Variants in CCDC197 observed in about 807,000 individuals in gnomAD.
CCDC197 encodes the protein uncharacterized protein CCDC197.
Under a neutral mutation model 13.4 loss-of-function variants are expected in CCDC197, and 24 were observed. The ratio of observed to expected loss-of-function variants is 1.80; its 90% CI spans 1.30 to 2.53. The LOEUF (loss-of-function observed/expected upper bound fraction) is 2.53. CCDC197 is among the 30% of genes most tolerant of loss of function. CCDC197 has a pLI of 0.00. For synonymous variants in CCDC197, 99 were observed against 55.5 expected (o/e 1.78, Z -3.48); for missense variants, 255 against 148.8 (o/e 1.71, Z -3.71).
rs1351100786 is a variant in CCDC197 at position 94,001,285 on chromosome 14, C to CTGG, written c.329_331dup (p.Leu110_Glu111insVal). 1.3e-6 allele frequency: 1 copy of CTGG among 780,134 alleles called. No homozygotes were observed. The highest frequency in any genetic ancestry group is 2.4e-6 in the Non-Finnish European group (1 of 417,766). The allele number at this position is 780,134 out of a possible 1,614,324, so 48.3% of individuals were successfully genotyped here. A position where few individuals can be genotyped will look rare whatever the true frequency, so the allele number is the denominator to read the frequency against. ...GATGATCCAGGCTGTCCACCGGAGC[C>CTGG]TGGAGTCTCTGGAGGAGGACCACAG... On this transcript the variant is annotated inframe_insertion, in exon 4 of 7. Coordinates refer to ENST00000636493, the MANE Select transcript of CCDC197 (RefSeq NM_001351596.2).
chr14:93,997,756 G>T (rs150611172), intron 1 of CCDC197, among the ~76,000 whole-genome samples, 185 bp downstream of exon 1: 1 of 152,304 alleles, frequency 6.6e-6, no homozygotes, highest in East Asian at 1.9e-4. Flanking sequence ...CTTGTTGAAA[G>T]TTCCCAGGCA....
chr14:94,004,659 G>C (rs1890629643), intron 5 of CCDC197, among the ~76,000 whole-genome samples, 196 bp from the exon 6 acceptor site: 2 of 152,184 alleles, frequency 1.3e-5, no homozygotes, highest in South Asian at 4.1e-4. Flanking sequence ...TCTTTGCAGA[G>C]GAGGCTGCTC....
At chr14:93,998,460 C>T (rs923488167) in intron 2 of CCDC197, among the ~76,000 whole-genome samples, 4 of 152,132 alleles carry the variant, frequency 2.6e-5, no homozygotes, top group Non-Finnish European at 5.9e-5. Flanking sequence ...TGGGCCAGTC[C>T]CGGGCCCTCT....
At chr14:94,000,044 T>C (rs995750287) in intron 3 of CCDC197, among the ~76,000 whole-genome samples, 26 of 152,212 alleles carry the variant, frequency 1.7e-4, no homozygotes, top group African/African-American at 5.8e-4. Context: ...TGTTTGTCTT[T>C]GGTTTTGTGT....
At chr14:94,011,409 G>A (rs1367750800), downstream of CCDC197, among the ~76,000 whole-genome samples, 2 of 152,218 alleles carry the variant, frequency 1.3e-5, no homozygotes, top group Non-Finnish European at 2.9e-5. Flanking sequence ...GCCACCAGTC[G>A]ACATTTGCAG....
chr14:94,003,195 C>A lies in CCDC197; in HGVS notation c.367-28C>A. 1.3e-6 allele frequency: 1 copy of A among 775,574 alleles called. No homozygotes were observed. Among genetic ancestry groups the A allele is most frequent in the Admixed American group, 1.7e-5 (1 of 58,730 alleles). 48.0% of individuals were successfully genotyped at this position (775,574 alleles called of 1,614,324 possible). ...CATATGCCCTGGAGGGTTTGTTGTA[C>A]CAAGATGGCCCATTCCCTCTGCCCC... On this transcript the variant is annotated intron_variant, in intron 4 of 6. Transcript: ENST00000636493. This position sits in a 1 kb window ranked among gnomAD's most constrained non-coding sequence, Gnocchi z 5.0.
At chr14:94,007,316 G>A (rs544330323) in intron 6 of CCDC197, 3 of 152,232 alleles carry the variant, frequency 2.0e-5, no homozygotes, top group Admixed American at 6.5e-5. Context: ...TAAGGTAGGG[G>A]TCCAATTTCA....
chr14:93,996,409 C>T (rs1567041237), upstream of CCDC197, among the ~76,000 whole-genome samples: 2 of 148,656 alleles, frequency 1.3e-5, no homozygotes, highest in East Asian at 3.9e-4. Flanking sequence ...TGCCCCTGCC[C>T]CTGAGCCCAG....
In CCDC197 at chr14:94,003,475, A is replaced by G. The variant is rs1302350539; in HGVS notation, c.498+121A>G. 12 of 630,212 alleles carry G rather than the reference A, an allele frequency of 1.9e-5. No homozygotes were observed. The highest frequency in any genetic ancestry group is 3.2e-5 in the Non-Finnish European group (11 of 346,276). 39.0% of individuals were successfully genotyped at this position (630,212 alleles called of 1,614,324 possible). On this transcript the variant is annotated intron_variant, in intron 5 of 6. Coordinates refer to ENST00000636493, the MANE Select transcript of CCDC197 (RefSeq NM_001351596.2). The surrounding 1 kb of genome is among the most constrained non-coding windows in gnomAD (Gnocchi z 5.0). ...CACGCAGACACACACACACAGAGCC[A>G]GACACATAGACACACAGGCACACAC...
At chr14:94,006,399 C>T (rs1404074069) in intron 6 of CCDC197, among the ~76,000 whole-genome samples, 1 of 151,112 alleles carries the variant, frequency 6.6e-6, no homozygotes, top group Admixed American at 6.6e-5. Flanking sequence ...CTTGCCCAGG[C>T]TGGAGTGCAA....
chr14:94,004,847 T>C lies in CCDC197; in HGVS notation c.499-8T>C. 1.4e-6 allele frequency: 1 copy of C among 702,846 alleles called. No homozygotes were observed. Among genetic ancestry groups the C allele is most frequent in the Non-Finnish European group, 2.6e-6 (1 of 384,874 alleles). The allele number at this position is 702,846 out of a possible 1,614,324, so 43.5% of individuals were successfully genotyped here. A position where few individuals can be genotyped will look rare whatever the true frequency, so the allele number is the denominator to read the frequency against. ...TGAGCCACCACCTCCTCCTTCTCTT[T>C]CCTGCAGGATCAGCTGCTCGGCTAC... On this transcript the variant is annotated splice_polypyrimidine_tract_variant and splice_region_variant and intron_variant, in intron 5 of 6. Transcript: ENST00000636493.
chr14:93,987,593 C>A (rs532542562), intron 1 of CCDC197, among the ~76,000 whole-genome samples: 2 of 152,136 alleles, frequency 1.3e-5, no homozygotes, highest in African/African-American at 4.8e-5. Context: ...GAGTGGCTGG[C>A]GTGGGGTTGG....
chr14:94,009,523 G>C (rs559497059), downstream of CCDC197, among the ~76,000 whole-genome samples: 1 of 152,302 alleles, frequency 6.6e-6, no homozygotes, highest in South Asian at 2.1e-4. Flanking sequence ...GAGCCCAGGA[G>C]TTCAAGACCA....
At chr14:94,008,962 G>A (rs918778567), downstream of CCDC197, 13 of 571,840 alleles carry the variant, frequency 2.3e-5, no homozygotes, top group Middle Eastern at 4.5e-4. Context: ...AGGGTTGGGG[G>A]TGCTGCTCCC....
intron 1 of CCDC197, among the ~76,000 whole-genome samples, chr14:93,988,052 G>A (rs1890131431): frequency 8.3e-6 from 1 of 120,500 alleles, no homozygotes; most frequent in South Asian, 3.1e-4. Context: ...AGAGGGGTGG[G>A]GCCGGAGAGG....
intron 5 of CCDC197, among the ~76,000 whole-genome samples, chr14:94,004,327 G>A (rs1176335011): frequency 6.6e-6 from 1 of 152,230 alleles, no homozygotes; most frequent in African/African-American, 2.4e-5. Flanking sequence ...ACAGGATGAG[G>A]TCATGGAGTG....
downstream of CCDC197, among the ~76,000 whole-genome samples, chr14:94,010,643 G>C (rs934866377): frequency 1.3e-5 from 2 of 152,248 alleles, no homozygotes; most frequent in Non-Finnish European, 2.9e-5. Flanking sequence ...CTAAAGAAAA[G>C]GGACAGAAAC....
intron 6 of CCDC197, among the ~76,000 whole-genome samples, chr14:94,008,251 C>A (rs192037428): frequency 8.5e-5 from 13 of 152,326 alleles, no homozygotes; most frequent in Admixed American, 1.3e-4. Context: ...GATGGAGGCC[C>A]ATCTGGTCCT....
Position 94,008,763 on chromosome 14 carries a change from G to A in CCDC197, c.770G>A (p.Arg257Lys), listed in dbSNP as rs1382871092. The change falls in exon 7 of 7, where the codon AGG becomes AAG. Residue 257 changes from arginine (R) to lysine (K), a missense_variant. By Grantham distance (26) the Arg-to-Lys change is conservative. Transcript: ENST00000636493. Reference sequence around the variant, plus strand: ...CCAAGGAGGCGGGTTTCCACCCCCAGGACCCCCTTTCCCAGCCCCCATGCT... The same window carrying A: ...CCAAGGAGGCGGGTTTCCACCCCCAAGACCCCCTTTCCCAGCCCCCATGCT... ...KCPRRRVSTP[R>K]TPFPSPHASE... 2 of 702,688 alleles carry A rather than the reference G, an allele frequency of 2.8e-6. No individual in the cohort carries two copies. The highest frequency in any genetic ancestry group is 5.2e-6 in the Non-Finnish European group (2 of 384,996). 43.5% of individuals were successfully genotyped at this position (702,688 alleles called of 1,614,324 possible). A position where few individuals can be genotyped will look rare whatever the true frequency, so the allele number is the denominator to read the frequency against.
Sources: allele counts gnomAD v4.1 joint callset (sites outside exome capture counted in the v4.1 genomes callset), GRCh38; gene constraint gnomAD v4.1.1; non-coding constraint Gnocchi (gnomAD v3.1); transcripts MANE v1.5; gene names NCBI Gene and HGNC (gene_info 2026-07-23, HGNC 2026-07-21).